FRMD6: variants seen among roughly 807,000 people sequenced by gnomAD.
The protein encoded by FRMD6 is FERM domain-containing protein 6.
Under a neutral mutation model 73.2 loss-of-function variants are expected in FRMD6, and 37 were observed. The ratio of observed to expected loss-of-function variants is 0.51; its 90% CI spans 0.39 to 0.66. The LOEUF (loss-of-function observed/expected upper bound fraction) is 0.66, where lower values mean the gene tolerates loss of function less well. FRMD6 is among the 30% of genes least tolerant of loss of function. The pLI, the probability that FRMD6 is intolerant of heterozygous loss-of-function variation, is 0.00. For synonymous variants in FRMD6, 273 were observed against 282.2 expected (o/e 0.97, Z 0.33); for missense variants, 714 against 780.5 (o/e 0.91, Z 1.02).
At chr14:51,545,561 T>C (rs1886422471) in intron 1 of FRMD6, among the ~76,000 whole-genome samples, 1 of 151,898 alleles carries the variant, frequency 6.6e-6, no homozygotes, top group Non-Finnish European at 1.5e-5. Context: ...CAAAAATGAG[T>C]CAACTGTCAA....
At chr14:51,553,284 A>G (rs150509175) in intron 1 of FRMD6, among the ~76,000 whole-genome samples, 51 of 152,340 alleles carry the variant, frequency 3.3e-4, no homozygotes, top group Middle Eastern at 6.8e-3. Flanking sequence ...ATTAAAATAC[A>G]TTATTTCCAA....
At chr14:51,495,501 G>C (rs1566776145) in intron 1 of FRMD6, among the ~76,000 whole-genome samples, 1 of 152,240 alleles carries the variant, frequency 6.6e-6, no homozygotes, top group South Asian at 2.1e-4. Context: ...CAAATTGCCA[G>C]ATTGATTTCC....
rs182513848 is a variant in FRMD6, at chr14:51,562,412, C to T, written c.-209-7936C>T. Among the ~76,000 whole-genome samples, 40 of 152,208 alleles carry T rather than the reference C, an allele frequency of 2.6e-4. 1 individual carries two copies. In the East Asian group the frequency reaches 3.1e-3, roughly 12 times the overall value. ...ATTGCTCAGGCCACATGGCACCCTG[C>T]GATCTTCAAGCTGGCCCAGGTATAT... On this transcript the variant is annotated intron_variant, in intron 1 of 14. Transcript: ENST00000356218.
intron 1 of FRMD6, among the ~76,000 whole-genome samples, chr14:51,558,666 C>T (rs1457307974): frequency 2.0e-5 from 3 of 151,976 alleles, no homozygotes; most frequent in African/African-American, 7.3e-5. Flanking sequence ...ATAATTTAAT[C>T]TTTTTTCTTT....
At position 51,622,302 on chromosome 14, in the gene FRMD6, T is replaced by A. The variant is rs546607424; in HGVS notation, c.-147+51892T>A. 2.1e-3 allele frequency among the ~76,000 whole-genome samples: 326 copies of A among 152,362 alleles called. 1 individual carries two copies. The highest frequency in any genetic ancestry group is 3.8e-3 in the Non-Finnish European group (260 of 68,040). ...TTGTGATTTCTTTCCTTGCTCTAAA[T>A]AATTATTCATTTTTATACCTAATTT... On this transcript the variant is annotated intron_variant, in intron 2 of 14. Coordinates refer to the FRMD6 transcript ENST00000356218.
chr14:51,408,638 GT>G, the FRMD6 span, among the ~76,000 whole-genome samples: 1 of 151,638 alleles, frequency 6.6e-6, no homozygotes, highest in African/African-American at 2.4e-5. Flanking sequence ...CTTCATAATC[GT>G]TTTACTCTCC....
At chr14:51,619,800 CAT>C (rs1233133462) in intron 2 of FRMD6, among the ~76,000 whole-genome samples, 6 of 152,008 alleles carry the variant, frequency 3.9e-5, no homozygotes, top group Admixed American at 1.3e-4. Context: ...AGCTGGATTC[CAT>C]ATGTTTTCTT....
upstream of FRMD6, chr14:51,651,464 G>A (rs934034147): frequency 5.3e-5 from 8 of 152,320 alleles, no homozygotes; most frequent in African/African-American, 9.6e-5. Context: ...TCTGGAGGGA[G>A]CGCCCCGAGG....
chr14:51,645,513 T>C (rs907364945), intron 2 of FRMD6, among the ~76,000 whole-genome samples: 2 of 152,156 alleles, frequency 1.3e-5, no homozygotes, highest in African/African-American at 4.8e-5. Flanking sequence ...CACTCCAGCC[T>C]TGACCTCCCG....
intron 2 of FRMD6, among the ~76,000 whole-genome samples, chr14:51,636,446 A>G (rs925034676): frequency 3.3e-5 from 5 of 152,140 alleles, no homozygotes; most frequent in African/African-American, 9.7e-5. Flanking sequence ...GTAAAGTTCT[A>G]TTCCTTTCTG....
At chr14:51,414,754 C>A in the FRMD6 span, among the ~76,000 whole-genome samples, 1 of 152,140 alleles carries the variant, frequency 6.6e-6, no homozygotes, top group Non-Finnish European at 1.5e-5. Flanking sequence ...GCATTATGGC[C>A]ATTTTCCCGA....
intron 2 of FRMD6, among the ~76,000 whole-genome samples, chr14:51,622,310 C>G (rs1439617409): frequency 6.6e-6 from 1 of 152,156 alleles, no homozygotes; most frequent in Non-Finnish European, 1.5e-5. Context: ...AATAATTATT[C>G]ATTTTTATAC....
At chr14:51,725,921 T>G in intron 13 of FRMD6, 51 bp downstream of exon 13, 1 of 1,315,004 alleles carries the variant, frequency 7.6e-7, no homozygotes, top group South Asian at 1.2e-5. Flanking sequence ...TTATAGAAAA[T>G]TTTAAGTAGT....
At chr14:51,641,173 G>A (rs1158363562) in intron 2 of FRMD6, among the ~76,000 whole-genome samples, 1 of 152,052 alleles carries the variant, frequency 6.6e-6, no homozygotes, top group East Asian at 1.9e-4. Context: ...TAGAGAGGGG[G>A]TTTCCCTATG....
chr14:51,669,386 T>C (rs765093372), intron 1 of FRMD6, among the ~76,000 whole-genome samples: 6 of 152,222 alleles, frequency 3.9e-5, no homozygotes, highest in Non-Finnish European at 8.8e-5. Context: ...ACATAGCTTT[T>C]CATTTCTGAG....
chr14:51,565,438 G>T (rs550019116), intron 1 of FRMD6: 4 of 152,230 alleles, frequency 2.6e-5, no homozygotes, highest in Non-Finnish European at 5.9e-5. Flanking sequence ...CTGATGGTAT[G>T]AGGTGAGGCA....
the FRMD6 span, among the ~76,000 whole-genome samples, chr14:51,421,442 T>C: frequency 1.2e-4 from 19 of 152,222 alleles, no homozygotes; most frequent in Admixed American, 6.5e-4. Flanking sequence ...ATCACCGCCA[T>C]TGAGTTAAAA....
chr14:51,444,707 A>G, the FRMD6 span, among the ~76,000 whole-genome samples: 1 of 152,164 alleles, frequency 6.6e-6, no homozygotes, highest in Non-Finnish European at 1.5e-5. Context: ...ACGGAGCCCT[A>G]TACCCTTAGA....
At chr14:51,477,275 AG>A in the FRMD6 span, among the ~76,000 whole-genome samples, 2 of 152,220 alleles carry the variant, frequency 1.3e-5, no homozygotes, top group Non-Finnish European at 2.9e-5. Context: ...TCAACCCTGA[AG>A]GCTAAAACAC....
Sources: gnomAD v4.1 joint callset for allele counts (sites outside exome capture counted in the v4.1 genomes callset) on GRCh38, gnomAD v4.1.1 for gene constraint, MANE v1.5 for transcripts, NCBI Gene and HGNC (gene_info 2026-07-23, HGNC 2026-07-21) for gene names.